Variants in NLRX1 observed in about 807,000 individuals in gnomAD.
NLRX1 encodes NOD-like receptor X1.
NLRX1 carries 67 observed loss-of-function variants against 74.2 expected under a neutral mutation model. That is an observed-to-expected ratio of 0.90 (90% CI 0.74 to 1.11). NLRX1 has a LOEUF of 1.11. Ranked by LOEUF, NLRX1 falls within the 50% of genes least tolerant of loss-of-function variation. NLRX1 has a pLI of 0.00. For missense variants in NLRX1, 1,191 were observed against 1,305.4 expected (o/e 0.91, Z 1.35); for synonymous variants, 506 against 559.1 (o/e 0.91, Z 1.34).
In NLRX1 at chr11:119,173,179, G is replaced by A. The variant is rs1380645966; in HGVS notation, c.229+190G>A. 1.6e-6 allele frequency: 1 copy of A among 622,444 alleles called. No individual in the cohort carries two copies. The highest frequency in any genetic ancestry group is 2.7e-5 in the East Asian group (1 of 36,434). 38.6% of individuals were successfully genotyped at this position (622,444 alleles called of 1,614,324 possible). A position where few individuals can be genotyped will look rare whatever the true frequency, so the allele number is the denominator to read the frequency against. On this transcript the variant is annotated intron_variant, in intron 4 of 9. Coordinates refer to ENST00000409109, the MANE Select transcript of NLRX1 (RefSeq NM_001282144.2). This position sits in a 1 kb window ranked among gnomAD's most constrained non-coding sequence, Gnocchi z 4.0. ...ATACTCTTGCAATGCACACTTATAT[G>A]TACAAAGCGCTAGGAGAGCCATACC...
intron 6 of NLRX1, among the ~76,000 whole-genome samples, chr11:119,177,436 T>C (rs1948726580): frequency 6.6e-6 from 1 of 151,182 alleles, no homozygotes; most frequent in Admixed American, 6.6e-5. Context: ...CAGACCAGCC[T>C]GGCCAACATG....
Position 119,172,920 on chromosome 11 carries a change from G to C in NLRX1, c.160G>C (p.Gly54Arg), listed in dbSNP as rs757905098. 2.8e-5 allele frequency: 45 copies of C among 1,613,822 alleles called. No homozygotes were observed. In the African/African-American group the frequency reaches 4.5e-4, roughly 16 times the overall value. The change falls in exon 4 of 10, where the codon GGA (glycine) becomes CGA (arginine). Residue 54 changes from glycine (G) to arginine (R), a missense_variant. Physicochemically the swap from Gly to Arg is moderately radical, Grantham distance 125. Coordinates refer to ENST00000409109, the MANE Select transcript of NLRX1 (RefSeq NM_001282144.2). ...TCCCAGGGCCTTTATACGCCACCAC[G>C]GAAGCTCGGTAGATAGCGCTCCCCC... ...GPPRAFIRHH[G>R]SSVDSAPPPG...
At chr11:119,171,302 G>C (rs561858277) in intron 1 of NLRX1, 54 bp from the exon 2 acceptor site, 1 of 1,285,294 alleles carries the variant, frequency 7.8e-7, no homozygotes, top group Non-Finnish European at 1.1e-6. Context: ...AATGGGGTTA[G>C]GGGTGCAGGG....
Position 119,180,053 on chromosome 11 carries a change from C to T in NLRX1, c.2032C>T (p.His678Tyr). 4 of 1,613,660 alleles carry T rather than the reference C, an allele frequency of 2.5e-6. No individual in the cohort carries two copies. The highest frequency in any genetic ancestry group is 1.3e-5 in the African/African-American group (1 of 75,074). ...GCTGCCCCCATCAGAGCTCCTTGAC[C>T]ACCTCTTCTTCCACTATGAGTTCCA... is the stretch of plus-strand genomic sequence containing the variant. ...QVLPPSELLD[H>Y]LFFHYEFQNQ... The change falls in exon 7 of 10, where the codon CAC (histidine) becomes TAC (tyrosine). Residue 678 changes from histidine (H) to tyrosine (Y), a missense_variant. Physicochemically the swap from His to Tyr is moderately conservative, Grantham distance 83 (BLOSUM62 2). Transcript: ENST00000409109.
intron 6 of NLRX1, among the ~76,000 whole-genome samples, chr11:119,175,526 G>A (rs1421027691): frequency 6.6e-6 from 1 of 152,192 alleles, no homozygotes. Flanking sequence ...GGAACCTGGG[G>A]ACGTGGGGAC....
At chr11:119,181,945 G>A (rs535537857) in intron 8 of NLRX1, 149 bp from the exon 9 acceptor site, 1 of 866,530 alleles carries the variant, frequency 1.2e-6, no homozygotes, top group Non-Finnish European at 1.8e-6. Context: ...CTATGTCCAG[G>A]TTCCTCTTGC....
rs199476049 is a variant in NLRX1 at position 119,180,165 on chromosome 11, T to G, written c.2144T>G (p.Val715Gly). The change falls in exon 7 of 10, where the codon GTG becomes GGG. Residue 715 changes from valine (V) to glycine (G), a missense_variant. Transcript: ENST00000409109. ...CGCATGACACCAGTCAAGTGCACAG[T>G]GGTGGCAGCTGTGCTGGGCAGCGGA... ...GVRMTPVKCT[V>G]VAAVLGSGRH... 1 of 1,613,304 alleles carries G rather than the reference T, an allele frequency of 6.2e-7. No homozygotes were observed. The highest frequency in any genetic ancestry group is 1.3e-5 in the African/African-American group (1 of 75,040).
Position 119,174,034 on chromosome 11 carries a change from C to T in NLRX1, c.785C>T (p.Pro262Leu), listed in dbSNP as rs149129258. 32 of 1,614,126 alleles carry T rather than the reference C, an allele frequency of 2.0e-5. No individual in the cohort carries two copies. Among genetic ancestry groups the T allele is most frequent in the Admixed American group, 1.0e-4 (6 of 60,016 alleles). Residue 262 changes from proline to leucine, a missense_variant, in exon 5 of 10, where the codon CCG (proline) becomes CTG (leucine). Physicochemically the swap from Pro to Leu is moderately conservative, Grantham distance 98 (BLOSUM62 -3). Transcript: ENST00000409109. ...RLAGTGLCSD[P>L]EEPQEPAAII... ...GCAGGCACGGGACTTTGTAGTGACCCGGAGGAACCGCAGGAACCAGCTGCT... is the reference window on the plus strand; with the variant it reads ...GCAGGCACGGGACTTTGTAGTGACCTGGAGGAACCGCAGGAACCAGCTGCT...
At chr11:119,176,324 T>C (rs1948702589) in intron 6 of NLRX1, among the ~76,000 whole-genome samples, 1 of 152,328 alleles carries the variant, frequency 6.6e-6, no homozygotes, top group East Asian at 1.9e-4. Flanking sequence ...CATAGCTCAC[T>C]GCAGCTTCGA....
chr11:119,183,584 C>T lies in NLRX1; in HGVS notation c.*145C>T, dbSNP rs564252781. The T allele has an allele frequency of 1.2e-3, 968 of 810,328 alleles. 25 individuals carry two copies. The South Asian group carries it at 0.013, about 11-fold the overall frequency. The allele number at this position is 810,328 out of a possible 1,614,324, so 50.2% of individuals were successfully genotyped here. A position where few individuals can be genotyped will look rare whatever the true frequency, so the allele number is the denominator to read the frequency against. On this transcript the variant is annotated 3_prime_UTR_variant, in exon 10 of 10. Transcript: ENST00000409109. The surrounding 1 kb of genome is among the most constrained non-coding windows in gnomAD (Gnocchi z 5.7). ...GGGCATAGCTGAGCCAGTTGCCCTC[C>T]TAGGGCATGTTTGACCAGGACTGAG...
Position 119,182,148 on chromosome 11 carries a change from G to A in NLRX1, c.2409G>A (p.Leu803=), listed in dbSNP as rs1303675567. The A allele has an allele frequency of 6.2e-7, 1 of 1,614,150 alleles. No homozygotes were observed. Among genetic ancestry groups the A allele is most frequent in the Non-Finnish European group, 8.5e-7 (1 of 1,180,038 alleles). The change falls in exon 9 of 10, where the codon CTG becomes CTA. Residue 803 remains leucine, a synonymous_variant. Transcript: ENST00000409109. The part of the protein sequence containing the change: ...AAGVAVLMEG[L]AGNTSVTHLS... The stretch of plus-strand genomic sequence containing the variant: ...GTGTTGCCGTGCTAATGGAGGGGCT[G>A]GCAGGAAACACCTCAGTGACGCACC...
At chr11:119,181,049 G>T (rs1948824335) in intron 7 of NLRX1, 122 bp from the exon 8 acceptor site, 1 of 721,516 alleles carries the variant, frequency 1.4e-6, no homozygotes, top group Admixed American at 2.0e-5. Context: ...TCTCAAAAAA[G>T]GGGAAGCAGG....
At position 119,182,119 on chromosome 11, in the gene NLRX1, G is replaced by A. The variant is rs761935295; in HGVS notation, c.2380G>A (p.Ala794Thr). ...LRLSNNPLTAAGVAVLMEGLA... is the reference protein window; with the variant it reads ...LRLSNNPLTATGVAVLMEGLA... ...GCTGTCCAACAACCCGCTGACGGCG[G>A]CAGGTGTTGCCGTGCTAATGGAGGG... Residue 794 changes from alanine to threonine, a missense_variant, in exon 9 of 10, where the codon GCA becomes ACA. Ala to Thr is a moderately conservative substitution (Grantham distance 58). Coordinates refer to ENST00000409109, the MANE Select transcript of NLRX1 (RefSeq NM_001282144.2). 3 of 1,614,150 alleles carry A rather than the reference G, an allele frequency of 1.9e-6. No individual in the cohort carries two copies. The highest frequency in any genetic ancestry group is 2.2e-5 in the South Asian group (2 of 91,084).
At chr11:119,168,687 C>T (rs1258175457), upstream of NLRX1, 1 of 152,398 alleles carries the variant, frequency 6.6e-6, no homozygotes, top group Non-Finnish European at 1.5e-5. Flanking sequence ...CTGGGTGTCA[C>T]TGGCGCTTGG....
In NLRX1 at chr11:119,173,062, G is replaced by A; in HGVS notation, c.229+73G>A. On this transcript the variant is annotated intron_variant, in intron 4 of 9. Transcript: ENST00000409109. The surrounding 1 kb of genome is among the most constrained non-coding windows in gnomAD (Gnocchi z 4.0). ...GGGGCTGGAAGGAGAAGCAGGGTGA[G>A]GGAGGCATAGAGGATCCACTGCCAT... 1 of 1,198,822 alleles carries A rather than the reference G, an allele frequency of 8.3e-7. No individual in the cohort carries two copies. 74.3% of individuals were successfully genotyped at this position (1,198,822 alleles called of 1,614,324 possible). A position where few individuals can be genotyped will look rare whatever the true frequency, so the allele number is the denominator to read the frequency against.
chr11:119,182,684 C>G (rs111907238), intron 9 of NLRX1, among the ~76,000 whole-genome samples: 1,731 of 152,144 alleles, frequency 0.011, 27 homozygotes, highest in African/African-American at 0.039. Flanking sequence ...GTCAGGAGTT[C>G]AAGACCAGTC....
rs780796654 is a variant in NLRX1 at position 119,179,673 on chromosome 11, C to G, written c.1672-20C>G. On this transcript the variant is annotated intron_variant, in intron 6 of 9. Transcript: ENST00000409109. The stretch of plus-strand genomic sequence containing the variant: ...AGGCACATGGAAGGCCACAGTGACT[C>G]TCCCCTGCTTCTTTTTCAGGTGGTT... 3.8e-6 allele frequency: 6 copies of G among 1,576,638 alleles called. No individual in the cohort carries two copies. The highest frequency in any genetic ancestry group is 1.7e-6 in the Non-Finnish European group (2 of 1,158,184).
In NLRX1 at chr11:119,173,409, G is replaced by A. The variant is rs78200154; in HGVS notation, c.230-70G>A. 1,374 of 1,530,596 alleles carry A rather than the reference G, an allele frequency of 9.0e-4. 11 individuals are homozygous for A. The African/African-American group carries it at 0.016, about 18-fold the overall frequency. The allele number at this position is 1,530,596 out of a possible 1,614,324, so 94.8% of individuals were successfully genotyped here. A position where few individuals can be genotyped will look rare whatever the true frequency, so the allele number is the denominator to read the frequency against. On this transcript the variant is annotated intron_variant, in intron 4 of 9. Transcript: ENST00000409109. This position sits in a 1 kb window ranked among gnomAD's most constrained non-coding sequence, Gnocchi z 4.0. ...GATGTCCCAGCCTGACCTCACCACC[G>A]CCCTGATTGGCCCTAAGCTACATCT...
chr11:119,174,416 T>G, intron 5 of NLRX1, 37 bp from the exon 6 acceptor site: 1 of 1,587,774 alleles, frequency 6.3e-7, no homozygotes, highest in Non-Finnish European at 8.6e-7. Context: ...AACAGGACAC[T>G]AAGGTCTTTC....
Sources: allele counts gnomAD v4.1 joint callset (sites outside exome capture counted in the v4.1 genomes callset), GRCh38; gene constraint gnomAD v4.1.1; non-coding constraint Gnocchi (gnomAD v3.1); transcripts MANE v1.5; gene names NCBI Gene and HGNC (gene_info 2026-07-23, HGNC 2026-07-21).